FRMPD3: variants seen among roughly 807,000 people sequenced by gnomAD.
FRMPD3 encodes FERM and PDZ domain-containing protein 3.
Under a neutral mutation model 97.9 loss-of-function variants are expected in FRMPD3, and 42 were observed. That is an observed-to-expected ratio of 0.43 (90% CI 0.34 to 0.55). The LOEUF is 0.55. Ranked by LOEUF, FRMPD3 falls within the 20% of genes least tolerant of loss-of-function variation. The probability of loss-of-function intolerance (pLI) is 0.03; values close to 1 mark genes in which losing one functional copy is unlikely to be tolerated. For missense variants in FRMPD3, 1,303 were observed against 1,457.7 expected (o/e 0.89, Z 1.73); for synonymous variants, 577 against 581.1 (o/e 0.99, Z 0.10).
intron 5 of FRMPD3, among the ~76,000 whole-genome samples, chrX:107,548,201 T>C: frequency 8.9e-6 from 1 of 112,604 alleles, no homozygotes; most frequent in Non-Finnish European, 1.9e-5. Context: ...TTGCCTTATC[T>C]AGGAAACTTT....
Position 107,461,816 on chromosome X carries a change from C to CGT in FRMPD3, c.-8+11822_-8+11823dup, listed in dbSNP as rs765475571. Among the ~76,000 whole-genome samples, 39 of 107,455 alleles carry CGT rather than the reference C, an allele frequency of 3.6e-4. No homozygotes were observed. In the East Asian group the frequency reaches 6.1e-3, roughly 17 times the overall value. 93.3% of individuals were successfully genotyped at this position (107,455 alleles called of 115,157 possible). On this transcript the variant is annotated intron_variant, in intron 1 of 14. Transcript: ENST00000683843. ...ACATATACATATACATATACATATA[C>CGT]GTGTGTGTGTGTCTGTGTGTCTGTC...
At chrX:107,454,116 G>T (rs754433951) in intron 1 of FRMPD3, among the ~76,000 whole-genome samples, 3 of 111,621 alleles carry the variant, frequency 2.7e-5, no homozygotes, top group Non-Finnish European at 5.6e-5. Flanking sequence ...CTAGCCACCC[G>T]CAGCTTTTGA....
chrX:107,530,233 G>GCAGCA (rs1922878895), intron 2 of FRMPD3, among the ~76,000 whole-genome samples, 176 bp from the exon 3 acceptor site: 1 of 111,647 alleles, frequency 9.0e-6, no homozygotes. Context: ...CAGCAGCAGC[G>GCAGCA]GCAGCAACAG....
At chrX:107,487,701 T>C (rs755228901) in intron 1 of FRMPD3, among the ~76,000 whole-genome samples, 28 of 111,663 alleles carry the variant, frequency 2.5e-4, no homozygotes, top group African/African-American at 8.8e-4. Context: ...TACACCAGAA[T>C]CTCTGTGGGG....
At chrX:107,540,863 G>C (rs1322032208) in intron 4 of FRMPD3, among the ~76,000 whole-genome samples, 11 of 112,398 alleles carry the variant, frequency 9.8e-5, no homozygotes, top group Non-Finnish European at 1.9e-5. Context: ...AGGCATCTGT[G>C]CTTTAACAAG....
At position 107,602,015 on chromosome X, in the gene FRMPD3, G is replaced by A; in HGVS notation, c.3976G>A (p.Asp1326Asn). Reference protein sequence around the residue: ...PVPSLRGRERDRVLPSQRQPE... With the variant: ...PVPSLRGRERNRVLPSQRQPE... ...GCCCAGCCTCCGGGGGAGGGAAAGG[G>A]ACAGAGTCCTCCCTAGCCAGAGGCA... is the stretch of plus-strand genomic sequence containing the variant. The change falls in exon 15 of 15, where the codon GAC becomes AAC. Residue 1326 changes from aspartate to asparagine, a missense_variant. Physicochemically the swap from Asp to Asn is conservative, Grantham distance 23. Coordinates refer to ENST00000683843, the MANE Select transcript of FRMPD3 (RefSeq NM_001388459.1). 8.5e-7 allele frequency: 1 copy of A among 1,174,766 alleles called. No individual in the cohort carries two copies. Among genetic ancestry groups the A allele is most frequent in the East Asian group, 3.0e-5 (1 of 33,589 alleles).
At chrX:107,546,684 G>A (rs1022432712) in intron 5 of FRMPD3, among the ~76,000 whole-genome samples, 5 of 112,193 alleles carry the variant, frequency 4.5e-5, no homozygotes, top group Admixed American at 9.5e-5. Context: ...TCAGGAATCT[G>A]CAGAAGTTAG....
intron 1 of FRMPD3, among the ~76,000 whole-genome samples, chrX:107,460,437 C>T (rs1243751724): frequency 9.2e-6 from 1 of 109,107 alleles, no homozygotes; most frequent in African/African-American, 3.3e-5. Flanking sequence ...GTTGCCTAGG[C>T]TGGAATGCAG....
chrX:107,567,845 C>T (rs886442448), intron 12 of FRMPD3, among the ~76,000 whole-genome samples: 3 of 110,616 alleles, frequency 2.7e-5, no homozygotes, highest in African/African-American at 9.9e-5. Flanking sequence ...CGAGCTAGGG[C>T]AGTGAGGAGG....
chrX:107,582,160 C>T (rs1178041316), intron 13 of FRMPD3, among the ~76,000 whole-genome samples: 1 of 110,679 alleles, frequency 9.0e-6, no homozygotes, highest in Non-Finnish European at 1.9e-5. Context: ...TTAACCGTAT[C>T]TTCACCAACA....
intron 4 of FRMPD3, among the ~76,000 whole-genome samples, chrX:107,535,750 C>G (rs111596646): frequency 9.2e-6 from 1 of 108,905 alleles, no homozygotes; most frequent in Non-Finnish European, 1.9e-5. Context: ...AATGACACAA[C>G]GTATGTATAT....
chrX:107,449,935 C>A lies in FRMPD3; in HGVS notation c.-78C>A, dbSNP rs1436636611. On this transcript the variant is annotated 5_prime_UTR_variant, in exon 1 of 15. Transcript: ENST00000683843. ...CGCCGCCGCCGCTGCGCCGCCGCTG[C>A]CGCGCCGCTGAGGAGGCGGAGGAGG... Among the ~76,000 whole-genome samples the A allele has an allele frequency of 6.4e-5, 7 of 110,087 alleles. No individual in the cohort carries two copies. In the East Asian group the frequency reaches 2.0e-3, roughly 32 times the overall value.
Position 107,516,863 on chromosome X carries a change from A to G in FRMPD3, c.-7-9719A>G, listed in dbSNP as rs1473543686. Among the ~76,000 whole-genome samples the G allele has an allele frequency of 3.6e-5, 4 of 111,366 alleles. No individual in the cohort carries two copies. In the East Asian group the frequency reaches 1.1e-3, roughly 31 times the overall value. ...CTGATGGTAGTTTCTTTTGCTGTGC[A>G]GAAGCTCTTTAGCTTAATTAGATCC... On this transcript the variant is annotated intron_variant, in intron 1 of 14. Coordinates refer to ENST00000683843, the MANE Select transcript of FRMPD3 (RefSeq NM_001388459.1).
chrX:107,471,392 T>A (rs1321456066), intron 1 of FRMPD3, among the ~76,000 whole-genome samples: 2 of 103,185 alleles, frequency 1.9e-5, no homozygotes, highest in African/African-American at 7.1e-5. Context: ...GTTTGTTACA[T>A]AGGTATAGGT....
chrX:107,468,829 C>T (rs1345553999), intron 1 of FRMPD3, among the ~76,000 whole-genome samples: 2 of 112,748 alleles, frequency 1.8e-5, no homozygotes, highest in African/African-American at 3.2e-5. Context: ...TACACCTCCA[C>T]GTGGGTAGAG....
intron 5 of FRMPD3, among the ~76,000 whole-genome samples, chrX:107,547,284 A>C (rs974755528): frequency 6.3e-5 from 7 of 111,153 alleles, no homozygotes; most frequent in African/African-American, 2.3e-4. Flanking sequence ...TCAACATTGC[A>C]GAGTAATCAG....
intron 1 of FRMPD3, among the ~76,000 whole-genome samples, chrX:107,483,002 C>G (rs1298536034): frequency 1.8e-5 from 2 of 112,187 alleles, no homozygotes. Context: ...CCATTGTCTC[C>G]GTCTATAGAC....
At chrX:107,485,835 A>T (rs1416635723) in intron 1 of FRMPD3, among the ~76,000 whole-genome samples, 1 of 111,628 alleles carries the variant, frequency 9.0e-6, no homozygotes, top group African/African-American at 3.3e-5. Context: ...GCTTGGTCCC[A>T]TCCCACTTAA....
At chrX:107,587,041 C>A (rs1005417056) in intron 13 of FRMPD3, among the ~76,000 whole-genome samples, 1 of 111,604 alleles carries the variant, frequency 9.0e-6, no homozygotes, top group Non-Finnish European at 1.9e-5. Context: ...CTAATATTGA[C>A]AATGGGGTGT....
Sources: allele counts gnomAD v4.1 joint callset (sites outside exome capture counted in the v4.1 genomes callset), GRCh38; gene constraint gnomAD v4.1.1; transcripts MANE v1.5; gene names NCBI Gene and HGNC (gene_info 2026-07-23, HGNC 2026-07-21).